The following MYO3A variants were observed in gnomAD, a reference collection of about 807,000 sequenced individuals.
MYO3A encodes myosin-IIIa.
MYO3A carries 180 observed loss-of-function variants against 192.7 expected under a neutral mutation model. The ratio of observed to expected loss-of-function variants is 0.93; its 90% CI spans 0.83 to 1.06. MYO3A has a LOEUF of 1.06. Among genes scored for constraint, MYO3A ranks in the 50% least tolerant of loss-of-function variants. The pLI is 0.00. For synonymous variants in MYO3A, 628 were observed against 645.3 expected (o/e 0.97, Z 0.41); for missense variants, 1,896 against 1,905.0 (o/e 1.00, Z 0.09).
chr10:26,037,453 A>G (rs1305699413), intron 10 of MYO3A, among the ~76,000 whole-genome samples: 2 of 152,302 alleles, frequency 1.3e-5, no homozygotes, highest in African/African-American at 2.4e-5. Context: ...ATTTTTTGAG[A>G]TAAAGGTTTT....
In MYO3A at chr10:26,193,426, C is replaced by T. The variant is rs555121122; in HGVS notation, c.4545+115C>T. Reference sequence around the variant, plus strand: ...AGGAAGGCCTGGCAGGACAGAGATGCGCTTGGTCTCCTCTTCACTGCCCTC... The same window carrying T: ...AGGAAGGCCTGGCAGGACAGAGATGTGCTTGGTCTCCTCTTCACTGCCCTC... On this transcript the variant is annotated intron_variant, in intron 32 of 34. Transcript: ENST00000642920. 80 of 842,316 alleles carry T rather than the reference C, an allele frequency of 9.5e-5. 1 individual carries two copies. In the Admixed American group the frequency reaches 1.4e-3, roughly 14 times the overall value. The allele number at this position is 842,316 out of a possible 1,614,324, so 52.2% of individuals were successfully genotyped here.
At chr10:26,138,591 T>C (rs1839981834) in intron 20 of MYO3A, among the ~76,000 whole-genome samples, 1 of 152,200 alleles carries the variant, frequency 6.6e-6, no homozygotes, top group Non-Finnish European at 1.5e-5. Flanking sequence ...CTTACATTTT[T>C]CTTCAAAATG....
In MYO3A at chr10:25,987,022, A is replaced by G. The variant is rs142430671; in HGVS notation, c.304-9468A>G. Among the ~76,000 whole-genome samples the G allele has an allele frequency of 1.4e-3, 208 of 152,342 alleles. 1 individual carries two copies. The highest frequency in any genetic ancestry group is 4.6e-3 in the African/African-American group (192 of 41,584). ...TGATACGAAAACAGGCACATAGACC[A>G]ACGGAACAGAAGAGAGAACCTAGAA... On this transcript the variant is annotated intron_variant, in intron 4 of 34. Transcript: ENST00000642920.
chr10:26,135,312 T>A (rs1432545773), intron 20 of MYO3A, among the ~76,000 whole-genome samples: 3 of 152,014 alleles, frequency 2.0e-5, no homozygotes, highest in African/African-American at 4.8e-5. Context: ...CATAGGATAT[T>A]ACTTTATTAG....
At chr10:25,961,034 A>G (rs1173742031) in intron 4 of MYO3A, among the ~76,000 whole-genome samples, 1 of 152,180 alleles carries the variant, frequency 6.6e-6, no homozygotes, top group Non-Finnish European at 1.5e-5. Flanking sequence ...TTAGAGTTTA[A>G]TTCTTGTTTG....
chr10:26,195,712 C>G (rs1175716313), intron 32 of MYO3A, among the ~76,000 whole-genome samples: 1 of 152,218 alleles, frequency 6.6e-6, no homozygotes, highest in Non-Finnish European at 1.5e-5. Context: ...AAACACACAT[C>G]CTCTTCCCCT....
chr10:26,042,836 G>C (rs996468857), intron 10 of MYO3A, among the ~76,000 whole-genome samples: 1 of 152,156 alleles, frequency 6.6e-6, no homozygotes, highest in Non-Finnish European at 1.5e-5. Flanking sequence ...TTTATTTGGT[G>C]AGGTCATGTT....
At chr10:26,180,830 G>A (rs901002387) in intron 31 of MYO3A, among the ~76,000 whole-genome samples, 6 of 151,658 alleles carry the variant, frequency 4.0e-5, no homozygotes, top group African/African-American at 7.3e-5. Flanking sequence ...GATAAAATAC[G>A]GTAAACATGA....
At chr10:26,165,942 G>T in intron 26 of MYO3A, 125 bp from the exon 27 acceptor site, 1 of 839,226 alleles carries the variant, frequency 1.2e-6, no homozygotes, top group South Asian at 1.3e-5. Flanking sequence ...ATGCCTAAAG[G>T]ATTTCTCCGC....
At chr10:26,169,899 C>G (rs1841958618) in intron 28 of MYO3A, among the ~76,000 whole-genome samples, 1 of 152,144 alleles carries the variant, frequency 6.6e-6, no homozygotes, top group Non-Finnish European at 1.5e-5. Flanking sequence ...GTTCTTTACT[C>G]CCCCAACTTA....
In MYO3A at chr10:26,153,875, A is replaced by C. The variant is rs768763942; in HGVS notation, c.2661A>C (p.Lys887Asn). 6.3e-7 allele frequency: 1 copy of C among 1,587,540 alleles called. No homozygotes were observed. Among genetic ancestry groups the C allele is most frequent in the East Asian group, 2.2e-5 (1 of 44,596 alleles). Reference sequence around the variant, plus strand: ...GTAATCTGCCACATTCTAAAACTAAAAATGTTATAAACTATCAAATGAGGA... The same window carrying C: ...GTAATCTGCCACATTCTAAAACTAACAATGTTATAAACTATCAAATGAGGA... The part of the protein sequence containing the change: ...KTGNLPHSKT[K>N]NVINYQMRTS... The change falls in exon 24 of 35, where the codon AAA becomes AAC. Residue 887 changes from lysine (K) to asparagine (N), a missense_variant. By Grantham distance (94) the Lys-to-Asn change is moderately conservative. Coordinates refer to ENST00000642920, the MANE Select transcript of MYO3A (RefSeq NM_017433.5).
At chr10:26,111,394 A>C (rs557289409) in intron 17 of MYO3A, among the ~76,000 whole-genome samples, 84 of 152,312 alleles carry the variant, frequency 5.5e-4, no homozygotes, top group Non-Finnish European at 1.0e-3. Flanking sequence ...CAGGCATCAT[A>C]AATGACCACT....
intron 14 of MYO3A, among the ~76,000 whole-genome samples, chr10:26,080,950 G>C (rs1835887898): frequency 1.3e-5 from 2 of 152,164 alleles, no homozygotes; most frequent in South Asian, 4.1e-4. Context: ...TGTTCTGGTG[G>C]AGGTAGTAGG....
chr10:26,075,587 T>TG (rs1835481820), intron 14 of MYO3A, among the ~76,000 whole-genome samples: 7 of 140,746 alleles, frequency 5.0e-5, no homozygotes, highest in Non-Finnish European at 9.3e-5. Flanking sequence ...TATATATATA[T>TG]ATGATATATA....
intron 25 of MYO3A, among the ~76,000 whole-genome samples, chr10:26,155,346 C>T (rs533639194): frequency 3.9e-5 from 6 of 152,242 alleles, no homozygotes; most frequent in African/African-American, 7.2e-5. Context: ...AGGATCAAGG[C>T]GACCTTCCTT....
At chr10:26,081,442 T>C (rs10828948) in intron 14 of MYO3A, among the ~76,000 whole-genome samples, 105,103 of 151,792 alleles carry the variant, frequency 0.69, 36,567 homozygotes, top group Middle Eastern at 0.77. Flanking sequence ...AGTCCATTTC[T>C]AGGTAGAGGG....
In MYO3A at chr10:26,058,963, G is replaced by T. The variant is rs949953556; in HGVS notation, c.954-8012G>T. ...GGGGGGTGCAAATGTAAGTGGTATT[G>T]TGTTTTTAATTTCCATTTTCACTTA... On this transcript the variant is annotated intron_variant, in intron 10 of 34. Coordinates refer to ENST00000642920, the MANE Select transcript of MYO3A (RefSeq NM_017433.5). Among the ~76,000 whole-genome samples, 7 of 152,128 alleles carry T rather than the reference G, an allele frequency of 4.6e-5. No individual in the cohort carries two copies. The East Asian group carries it at 1.4e-3, about 29-fold the overall frequency.
chr10:26,151,062 A>G (rs1402422579), intron 23 of MYO3A, among the ~76,000 whole-genome samples: 1 of 152,134 alleles, frequency 6.6e-6, no homozygotes, highest in African/African-American at 2.4e-5. Flanking sequence ...TAATCCATTT[A>G]ACTTTATTGA....
At chr10:26,121,471 C>G (rs1838853973) in intron 18 of MYO3A, among the ~76,000 whole-genome samples, 1 of 152,034 alleles carries the variant, frequency 6.6e-6, no homozygotes, top group African/African-American at 2.4e-5. Context: ...AGAATCACTC[C>G]TCGTCCAAAA....
Sources: allele counts gnomAD v4.1 joint callset (sites outside exome capture counted in the v4.1 genomes callset), GRCh38; gene constraint gnomAD v4.1.1; transcripts MANE v1.5; gene names NCBI Gene and HGNC (gene_info 2026-07-23, HGNC 2026-07-21).